Variants in CUBN observed in about 807,000 individuals in gnomAD.
The protein encoded by CUBN is 460 kDa receptor.
In CUBN, 282 loss-of-function variants were observed where a neutral mutation model predicts 405.3. The observed-to-expected ratio is 0.70, with a 90% CI of 0.63 to 0.77. The LOEUF is 0.77. CUBN is among the 30% of genes least tolerant of loss of function. CUBN has a pLI of 0.00. For synonymous variants in CUBN, 1,684 were observed against 1,617.0 expected (o/e 1.04, Z -0.99); for missense variants, 4,514 against 4,475.2 (o/e 1.01, Z -0.25).
chr10:17,011,107 T>C (rs1834167078), intron 28 of CUBN, among the ~76,000 whole-genome samples: 1 of 152,180 alleles, frequency 6.6e-6, no homozygotes, highest in Non-Finnish European at 1.5e-5. Flanking sequence ...ACCAATGAGC[T>C]CTAGCATCAT....
At chr10:16,902,068 T>C (rs1012616744) in intron 51 of CUBN, among the ~76,000 whole-genome samples, 3 of 136,344 alleles carry the variant, frequency 2.2e-5, no homozygotes, top group South Asian at 2.2e-4. Context: ...AGGGTATATA[T>C]ATACACACAC....
intron 22 of CUBN, among the ~76,000 whole-genome samples, chr10:17,058,941 T>A (rs1163403772): frequency 1.3e-5 from 2 of 152,074 alleles, no homozygotes; most frequent in South Asian, 2.1e-4. Flanking sequence ...AAAATTCATA[T>A]CCAATATCAG....
At chr10:17,063,101 A>C (rs45509901) in intron 22 of CUBN, among the ~76,000 whole-genome samples, 5,736 of 152,160 alleles carry the variant, frequency 0.038, 232 homozygotes, top group South Asian at 0.22. Flanking sequence ...CAGTCTCCTG[A>C]CACCAGCCCT....
intron 8 of CUBN, among the ~76,000 whole-genome samples, chr10:17,111,742 G>A (rs1382973713): frequency 4.6e-5 from 7 of 152,092 alleles, no homozygotes; most frequent in Non-Finnish European, 1.0e-4. Context: ...TGGCCAAAAT[G>A]GTGAAACACC....
At position 16,925,810 on chromosome 10, in the gene CUBN, A is replaced by G. The variant is rs755433203; in HGVS notation, c.6272-36T>C. The G allele has an allele frequency of 3.8e-6, 6 of 1,588,956 alleles. No individual in the cohort carries two copies. In the African/African-American group the frequency reaches 6.7e-5, roughly 18 times the overall value. ...AGAAACAAAGGTCGGTTATTTAAATAGCATTGGCAACTGGATTTTTATGCT... is the reference window on the plus strand; with the variant it reads ...AGAAACAAAGGTCGGTTATTTAAATGGCATTGGCAACTGGATTTTTATGCT... On this transcript the variant is annotated intron_variant, in intron 41 of 66. Transcript: ENST00000377833.
intron 28 of CUBN, among the ~76,000 whole-genome samples, chr10:17,007,596 T>C (rs1834062463): frequency 6.6e-6 from 1 of 151,026 alleles, no homozygotes; most frequent in African/African-American, 2.4e-5. Flanking sequence ...TTGGAGATCG[T>C]ACTGCACAGT....
intron 39 of CUBN, among the ~76,000 whole-genome samples, chr10:16,936,430 G>A (rs11254284): frequency 0.69 from 104,669 of 152,048 alleles, 36,477 homozygotes; most frequent in African/African-American, 0.8. Flanking sequence ...TAGAGAGGTA[G>A]GAACAACATT....
chr10:17,031,186 G>T lies in CUBN; in HGVS notation c.4017+9847C>A, dbSNP rs552485718. ...AATGCATTAACCATGCAGGCTGCAG[G>T]CAGAAAACAAGAGGAAAATTAAATG... is the stretch of plus-strand genomic sequence containing the variant. On this transcript the variant is annotated intron_variant, in intron 27 of 66. Coordinates refer to ENST00000377833, the MANE Select transcript of CUBN (RefSeq NM_001081.4). 1.2e-3 allele frequency among the ~76,000 whole-genome samples: 185 copies of T among 152,232 alleles called. 1 individual carries two copies. Among genetic ancestry groups the T allele is most frequent in the African/African-American group, 4.3e-3 (177 of 41,530 alleles).
rs1398309970 is a variant in CUBN at position 16,963,879 on chromosome 10, T to C, written c.4696-9331A>G. On this transcript the variant is annotated intron_variant, in intron 31 of 66. Coordinates refer to ENST00000377833, the MANE Select transcript of CUBN (RefSeq NM_001081.4). ...TAATATTTCATAGTGTGTATGGATA[T>C]ATGCATATAATGAAAAAACTATAAA... 2.6e-5 allele frequency among the ~76,000 whole-genome samples: 4 copies of C among 152,332 alleles called. No homozygotes were observed. In the South Asian group the frequency reaches 8.3e-4, roughly 32 times the overall value.
chr10:17,052,123 G>A (rs974293615), intron 22 of CUBN, among the ~76,000 whole-genome samples: 13 of 152,118 alleles, frequency 8.5e-5, no homozygotes, highest in Middle Eastern at 3.2e-3. Context: ...AAGCAATGGA[G>A]GCAAGAAGAA....
intron 27 of CUBN, among the ~76,000 whole-genome samples, chr10:17,036,962 G>A (rs1437990610): frequency 6.6e-6 from 1 of 152,168 alleles, no homozygotes; most frequent in Non-Finnish European, 1.5e-5. Context: ...CTGCTAGAAA[G>A]CCGGCCTTGA....
In CUBN at chr10:17,105,502, G is replaced by A. The variant is rs761946842; in HGVS notation, c.1185C>T (p.Leu395=). The A allele has an allele frequency of 1.2e-6, 2 of 1,611,830 alleles. No individual in the cohort carries two copies. Among genetic ancestry groups the A allele is most frequent in the Non-Finnish European group, 1.7e-6 (2 of 1,177,868 alleles). The part of the protein sequence containing the change: ...NGYGPNGCVQ[L]SNICLSHPCL... ...AGGGGTGACTTAGGCAAATATTACT[G>A]AGCTGCACACATCCATTTGGCCCAT... Residue 395 remains leucine (L), a synonymous_variant, in exon 11 of 67, where the codon CTC becomes CTT. Coordinates refer to ENST00000377833, the MANE Select transcript of CUBN (RefSeq NM_001081.4).
intron 48 of CUBN, among the ~76,000 whole-genome samples, chr10:16,912,503 G>A (rs1225237801): frequency 1.3e-5 from 2 of 152,322 alleles, no homozygotes; most frequent in African/African-American, 2.4e-5. Flanking sequence ...GGTGTGAAGT[G>A]CTGCAAAACA....
chr10:16,894,138 A>G (rs1443179187), intron 54 of CUBN, among the ~76,000 whole-genome samples: 1 of 152,164 alleles, frequency 6.6e-6, no homozygotes, highest in East Asian at 1.9e-4. Context: ...TACATTGCCT[A>G]TGTGAAGAAA....
Position 17,045,860 on chromosome 10 carries a change from G to T in CUBN, c.3490+74C>A. 4.8e-6 allele frequency: 7 copies of T among 1,469,382 alleles called. No individual in the cohort carries two copies. In the South Asian group the frequency reaches 6.8e-5, roughly 14 times the overall value. 91.0% of individuals were successfully genotyped at this position (1,469,382 alleles called of 1,614,324 possible). On this transcript the variant is annotated intron_variant, in intron 24 of 66. Transcript: ENST00000377833. Reference sequence around the variant, plus strand: ...GGCAAACATGGACAAGTGAGGGACAGAGCATGACAATCCCAGAATCAAGAA... The same window carrying T: ...GGCAAACATGGACAAGTGAGGGACATAGCATGACAATCCCAGAATCAAGAA...
intron 4 of CUBN, among the ~76,000 whole-genome samples, chr10:17,124,671 G>A (rs1390581243): frequency 2.6e-5 from 4 of 151,812 alleles, no homozygotes; most frequent in South Asian, 2.1e-4. Context: ...CTCGTGATCC[G>A]CCCGCCTCAG....
At chr10:17,097,439 A>C (rs1485228706) in intron 14 of CUBN, among the ~76,000 whole-genome samples, 1 of 152,164 alleles carries the variant, frequency 6.6e-6, no homozygotes, top group Non-Finnish European at 1.5e-5. Context: ...CTGCAGGCTC[A>C]ATTAACTTTA....
At chr10:17,026,208 T>A (rs1384701934) in intron 27 of CUBN, among the ~76,000 whole-genome samples, 1 of 152,164 alleles carries the variant, frequency 6.6e-6, no homozygotes, top group South Asian at 2.1e-4. Context: ...TTAGGGTGAT[T>A]GTTAAAAATG....
At chr10:16,882,496 T>C (rs1840691875) in intron 56 of CUBN, among the ~76,000 whole-genome samples, 2 of 152,222 alleles carry the variant, frequency 1.3e-5, no homozygotes, top group Admixed American at 1.3e-4. Context: ...AATTCCAAAC[T>C]TCATCATAGT....
Sources: allele counts gnomAD v4.1 joint callset (sites outside exome capture counted in the v4.1 genomes callset), GRCh38; gene constraint gnomAD v4.1.1; transcripts MANE v1.5; gene names NCBI Gene and HGNC (gene_info 2026-07-23, HGNC 2026-07-21).